Variants in RAB2A observed in about 807,000 individuals in gnomAD.
The protein encoded by RAB2A is ras-related protein Rab-2A.
Under a neutral mutation model 32.5 loss-of-function variants are expected in RAB2A, and 7 were observed. The observed-to-expected ratio is 0.22, with a 90% confidence interval of 0.12 to 0.40. The LOEUF (loss-of-function observed/expected upper bound fraction) is 0.40, where lower values mean the gene tolerates loss of function less well. RAB2A is among the 10% of genes least tolerant of loss of function. The probability of loss-of-function intolerance (pLI) is 1.00; values close to 1 mark genes in which losing one functional copy is unlikely to be tolerated. For synonymous variants in RAB2A, 79 were observed against 85.2 expected (o/e 0.93, Z 0.40); for missense variants, 108 against 260.7 (o/e 0.41, Z 4.03).
At chr8:60,609,685 G>C (rs1804301927) in intron 6 of RAB2A, among the ~76,000 whole-genome samples, 1 of 152,130 alleles carries the variant, frequency 6.6e-6, no homozygotes, top group East Asian at 1.9e-4. Flanking sequence ...TCCAGGTGAG[G>C]CTGGGTATGG....
chr8:60,588,963 T>C (rs1464503255), intron 5 of RAB2A, among the ~76,000 whole-genome samples: 1 of 152,220 alleles, frequency 6.6e-6, no homozygotes, highest in Admixed American at 6.5e-5. Flanking sequence ...GAAGAAACTA[T>C]TATCATATTC....
chr8:60,564,617 G>A (rs1265199252), intron 2 of RAB2A, among the ~76,000 whole-genome samples: 1 of 151,962 alleles, frequency 6.6e-6, no homozygotes, highest in East Asian at 1.9e-4. Flanking sequence ...AACTGAACAT[G>A]TCCCAAATAG....
intron 7 of RAB2A, 116 bp from the exon 8 acceptor site, chr8:60,620,557 TG>T: frequency 1.4e-6 from 1 of 726,892 alleles, no homozygotes; most frequent in Non-Finnish European, 2.4e-6. Flanking sequence ...ATCTACTTGC[TG>T]TATTTTTCTC....
chr8:60,581,172 A>C (rs186893889), intron 3 of RAB2A, among the ~76,000 whole-genome samples: 2 of 152,260 alleles, frequency 1.3e-5, no homozygotes, highest in South Asian at 2.1e-4. Flanking sequence ...GAAAATCCCA[A>C]ACTTTTTGAG....
At chr8:60,543,011 C>T (rs1413210503) in intron 1 of RAB2A, among the ~76,000 whole-genome samples, 1 of 152,188 alleles carries the variant, frequency 6.6e-6, no homozygotes, top group African/African-American at 2.4e-5. Context: ...GCTCTGTATT[C>T]CCAATTTTCT....
chr8:60,613,159 T>G (rs534497535), intron 6 of RAB2A, among the ~76,000 whole-genome samples: 16 of 152,340 alleles, frequency 1.1e-4, no homozygotes, highest in Middle Eastern at 3.4e-3. Flanking sequence ...TTTTAAGGTT[T>G]AGCTCTATTT....
At chr8:60,596,303 C>G (rs1804022286) in intron 6 of RAB2A, among the ~76,000 whole-genome samples, 1 of 152,140 alleles carries the variant, frequency 6.6e-6, no homozygotes, top group Non-Finnish European at 1.5e-5. Flanking sequence ...CAAATGGGAT[C>G]TAATTAAACT....
At chr8:60,530,289 G>GCA (rs901190968) in intron 1 of RAB2A, among the ~76,000 whole-genome samples, 1 of 151,900 alleles carries the variant, frequency 6.6e-6, no homozygotes, top group African/African-American at 2.4e-5. Flanking sequence ...GGGATTACAG[G>GCA]CACACACCAA....
intron 1 of RAB2A, among the ~76,000 whole-genome samples, chr8:60,540,417 C>A (rs1807622218): frequency 6.6e-6 from 1 of 152,038 alleles, no homozygotes; most frequent in South Asian, 2.1e-4. Flanking sequence ...AAATGAAGAT[C>A]ATTTTCAGAC....
chr8:60,601,814 A>G (rs1317314862), intron 6 of RAB2A, among the ~76,000 whole-genome samples: 4 of 152,178 alleles, frequency 2.6e-5, no homozygotes, highest in African/African-American at 9.7e-5. Context: ...TCATTAGCTT[A>G]TTTTTCTACA....
chr8:60,544,189 T>G (rs1165865484), intron 1 of RAB2A, among the ~76,000 whole-genome samples: 1 of 151,510 alleles, frequency 6.6e-6, no homozygotes, highest in Non-Finnish European at 1.5e-5. Flanking sequence ...CCTCCTGGAT[T>G]CAAGCTATTT....
chr8:60,615,101 G>GCC (rs2150438561), intron 6 of RAB2A, among the ~76,000 whole-genome samples: 1 of 152,266 alleles, frequency 6.6e-6, no homozygotes, highest in African/African-American at 2.4e-5. Flanking sequence ...AAACCTATTA[G>GCC]TTTTGCCTAC....
intron 3 of RAB2A, among the ~76,000 whole-genome samples, chr8:60,573,513 T>G (rs1157178798): frequency 6.6e-6 from 1 of 152,194 alleles, no homozygotes; most frequent in African/African-American, 2.4e-5. Flanking sequence ...CTGTCTTGCC[T>G]TGTCCTTGAA....
rs576644737 is a variant in RAB2A, at chr8:60,526,985, A to G, written c.46+9732A>G. On this transcript the variant is annotated intron_variant, in intron 1 of 7. Transcript: ENST00000262646. ...CTCCATCTCAAAAAAAAAAAAAAAA[A>G]AAGAAGTACTTGGGACTGGGGAATT... Among the ~76,000 whole-genome samples the G allele has an allele frequency of 1.1e-4, 16 of 152,082 alleles. No individual in the cohort carries two copies. The South Asian group carries it at 1.9e-3, about 18-fold the overall frequency.
intron 6 of RAB2A, among the ~76,000 whole-genome samples, chr8:60,596,496 G>C (rs1280176023): frequency 1.3e-5 from 2 of 152,202 alleles, no homozygotes; most frequent in East Asian, 3.8e-4. Context: ...GATATGAACA[G>C]ACACTTTTCA....
chr8:60,541,896 C>G (rs2130817540), intron 1 of RAB2A, among the ~76,000 whole-genome samples: 1 of 152,234 alleles, frequency 6.6e-6, no homozygotes, highest in Non-Finnish European at 1.5e-5. Context: ...AGTGTTCTTT[C>G]TCTTCTAGCA....
intron 6 of RAB2A, among the ~76,000 whole-genome samples, chr8:60,596,996 G>A (rs762299420): frequency 2.5e-4 from 38 of 152,152 alleles, no homozygotes; most frequent in African/African-American, 6.5e-4. Flanking sequence ...CATTGTTGGC[G>A]GGAGGGTAAT....
intron 2 of RAB2A, among the ~76,000 whole-genome samples, chr8:60,562,354 T>C (rs1808037255): frequency 6.6e-6 from 1 of 152,138 alleles, no homozygotes; most frequent in Non-Finnish European, 1.5e-5. Context: ...GCAAAGCAAA[T>C]TTTATGGAAG....
chr8:60,517,493 C>G (rs936803543), intron 1 of RAB2A, among the ~76,000 whole-genome samples: 3 of 152,158 alleles, frequency 2.0e-5, no homozygotes, highest in African/African-American at 4.8e-5. Flanking sequence ...CCGTGGCAGC[C>G]GTTTGCGACG....
Sources: gnomAD v4.1 joint callset for allele counts (sites outside exome capture counted in the v4.1 genomes callset) on GRCh38, gnomAD v4.1.1 for gene constraint, MANE v1.5 for transcripts, NCBI Gene and HGNC (gene_info 2026-07-23, HGNC 2026-07-21) for gene names.